The following DGKD variants were observed in gnomAD, a reference collection of about 807,000 sequenced individuals.
The protein encoded by DGKD is diacylglycerol kinase delta, also known as DAG kinase delta.
DGKD carries 68 observed loss-of-function variants against 154.4 expected under a neutral mutation model. The observed-to-expected ratio is 0.44, with a 90% CI of 0.36 to 0.54. The LOEUF (loss-of-function observed/expected upper bound fraction) is 0.54. DGKD is among the 20% of genes least tolerant of loss of function. DGKD has a pLI of 0.00. For missense variants in DGKD, 1,343 were observed against 1,593.6 expected, an observed-to-expected ratio of 0.84 and a Z score of 2.68; for synonymous variants, 693 against 638.0, an observed-to-expected ratio of 1.09 and a Z score of -1.30.
In DGKD at chr2:233,462,273, G is replaced by A. The variant is rs529002383; in HGVS notation, c.2982-75G>A. ...CAGCCCTCCAGGTGGTACCTGGGCC[G>A]TGTTCAGATGCGTATTGTGAAAGGC... On this transcript the variant is annotated intron_variant, in intron 24 of 29. Transcript: ENST00000264057. 2.1e-4 allele frequency: 263 copies of A among 1,223,822 alleles called. No homozygotes were observed. In the African/African-American group the frequency reaches 3.5e-3, roughly 16 times the overall value. 75.8% of individuals were successfully genotyped at this position (1,223,822 alleles called of 1,614,324 possible). A position where few individuals can be genotyped will look rare whatever the true frequency, so the allele number is the denominator to read the frequency against.
At chr2:233,462,784 ACTGCTGTCGCCAGGTTG>A in intron 26 of DGKD, 49 bp downstream of exon 26, 1 of 1,531,110 alleles carries the variant, frequency 6.5e-7, no homozygotes, top group Non-Finnish European at 9.0e-7. Flanking sequence ...GTGTGAAACG[ACTGCTGTCGCCAGGTTG>A]CTGGGCACAC....
chr2:233,457,313 T>A lies in DGKD; in HGVS notation c.2565T>A (p.Gly855=). ...CCGGAGGAACCAACTTCTGGGGGGG[T>A]ACCAAGGAAGATGATGTATGTATGG... ...SYAGGTNFWG[G]TKEDDTFAAP... The change falls in exon 21 of 30, where the codon GGT becomes GGA. Residue 855 remains glycine, a synonymous_variant. Transcript: ENST00000264057. The surrounding 1 kb of genome is among the most constrained non-coding windows in gnomAD (Gnocchi z 5.5). 6.5e-7 allele frequency: 1 copy of A among 1,536,862 alleles called. No individual in the cohort carries two copies. Among genetic ancestry groups the A allele is most frequent in the Non-Finnish European group, 8.8e-7 (1 of 1,140,474 alleles).
chr2:233,389,888 C>T (rs932355627), intron 2 of DGKD, among the ~76,000 whole-genome samples: 7 of 152,260 alleles, frequency 4.6e-5, no homozygotes, highest in African/African-American at 7.2e-5. Context: ...TTTCCTTTCA[C>T]GGCCAGACCC....
At chr2:233,386,003 G>A (rs548240279) in intron 1 of DGKD, 1 of 461,398 alleles carries the variant, frequency 2.2e-6, no homozygotes, top group Non-Finnish European at 4.5e-6. Context: ...GCGTGTGTGT[G>A]CGTGTGTGTA....
chr2:233,447,806 C>G, intron 12 of DGKD: 1 of 1,239,800 alleles, frequency 8.1e-7, no homozygotes, highest in East Asian at 4.5e-5. Flanking sequence ...AGGACGGAAG[C>G]TCCTAGCACA....
chr2:233,381,949 T>C (rs1466379425), intron 1 of DGKD, among the ~76,000 whole-genome samples: 1 of 152,132 alleles, frequency 6.6e-6, no homozygotes, highest in Non-Finnish European at 1.5e-5. Context: ...GATATGCAAA[T>C]TGGGCCAGGT....
At chr2:233,423,795 T>G (rs2062199480) in intron 3 of DGKD, among the ~76,000 whole-genome samples, 1 of 152,120 alleles carries the variant, frequency 6.6e-6, no homozygotes, top group Non-Finnish European at 1.5e-5. Context: ...AGGCTTTTGT[T>G]GGGGCTTTCC....
At position 233,451,023 on chromosome 2, in the gene DGKD, G is replaced by A. The variant is rs2063268338; in HGVS notation, c.2140G>A (p.Ala714Thr). The A allele has an allele frequency of 1.2e-6, 2 of 1,611,930 alleles. No homozygotes were observed. Among genetic ancestry groups the A allele is most frequent in the Non-Finnish European group, 1.7e-6 (2 of 1,178,254 alleles). The stretch of plus-strand genomic sequence containing the variant: ...GCCGGGAAGCCGGGACGGCCTGCCT[G>A]CGCTCAACACCAAGATCCTGTACCC... Reference protein sequence around the residue: ...PQPGSRDGLPALNTKILYPNV... With the variant: ...PQPGSRDGLPTLNTKILYPNV... Residue 714 changes from alanine to threonine, a missense_variant, in exon 17 of 30, where the codon GCG becomes ACG. Around this residue, in one of 6 missense-constraint regions of DGKD, gnomAD observed 409 missense variants for 446.0 expected, o/e 0.92. Transcript: ENST00000264057.
rs375919482 is a variant in DGKD at position 233,435,888 on chromosome 2, C to T, written c.657C>T (p.Ala219=). 73 of 1,611,726 alleles carry T rather than the reference C, an allele frequency of 4.5e-5. No individual in the cohort carries two copies. Among genetic ancestry groups the T allele is most frequent in the Middle Eastern group, 1.6e-4 (1 of 6,064 alleles). Residue 219 remains alanine, a synonymous_variant, in exon 6 of 30, where the codon GCC becomes GCT. Coordinates refer to ENST00000264057, the MANE Select transcript of DGKD (RefSeq NM_152879.3). ...ATNNCKWTTL[A]SIGKDIIEDA... ...ATAACTGCAAGTGGACCACACTGGCCTCGATCGGGAAGGACATCATTGAAG... is the reference window on the plus strand; with the variant it reads ...ATAACTGCAAGTGGACCACACTGGCTTCGATCGGGAAGGACATCATTGAAG...
intron 12 of DGKD, 159 bp from the exon 13 acceptor site, chr2:233,447,928 A>C: frequency 6.8e-7 from 1 of 1,465,100 alleles, no homozygotes; most frequent in South Asian, 1.4e-5. Context: ...TTAGCGTTAG[A>C]AGTGAGTTGA....
chr2:233,424,071 G>A (rs759350579), intron 3 of DGKD, among the ~76,000 whole-genome samples: 12 of 152,106 alleles, frequency 7.9e-5, no homozygotes, highest in Non-Finnish European at 1.5e-4. Context: ...AAGTGAAGAG[G>A]GGGTCCATTC....
chr2:233,428,825 C>A (rs1454919579), intron 3 of DGKD, among the ~76,000 whole-genome samples: 1 of 152,156 alleles, frequency 6.6e-6, no homozygotes, highest in Non-Finnish European at 1.5e-5. Context: ...AGATCTGGGT[C>A]TCTCTCAGGC....
chr2:233,374,635 A>G (rs1288683173), intron 1 of DGKD, among the ~76,000 whole-genome samples: 2 of 147,816 alleles, frequency 1.4e-5, no homozygotes, highest in African/African-American at 5.0e-5. Context: ...GCACCTGACA[A>G]TTTTATTTTT....
chr2:233,467,096 T>G lies in DGKD; in HGVS notation c.3317T>G (p.Leu1106Arg), dbSNP rs1186973117. The change falls in exon 28 of 30, where the codon CTG becomes CGG. Residue 1106 changes from leucine (L) to arginine (R), a missense_variant. Transcript: ENST00000264057. The stretch of plus-strand genomic sequence containing the variant: ...CATTCTCCCCAACAGAGTGTGATGC[T>G]GGATCTTGCCAAGCGCAGTCGCAGT... The part of the protein sequence containing the change: ...AEPGDEESVM[L>R]DLAKRSRSGK... 1 of 1,613,824 alleles carries G rather than the reference T, an allele frequency of 6.2e-7. No individual in the cohort carries two copies. The highest frequency in any genetic ancestry group is 2.2e-5 in the East Asian group (1 of 44,882).
chr2:233,466,922 T>G (rs1375575960), intron 27 of DGKD, among the ~76,000 whole-genome samples, 164 bp from the exon 28 acceptor site: 1 of 152,190 alleles, frequency 6.6e-6, no homozygotes, highest in African/African-American at 2.4e-5. Flanking sequence ...CAACACTAAA[T>G]ACAAGAATCA....
chr2:233,429,874 C>T (rs1034602092), intron 3 of DGKD, among the ~76,000 whole-genome samples: 1 of 152,228 alleles, frequency 6.6e-6, no homozygotes. Flanking sequence ...GAAGAAGAAG[C>T]GAACCATGCA....
At chr2:233,408,044 GTTTT>G (rs1293793281) in intron 3 of DGKD, among the ~76,000 whole-genome samples, 1 of 127,654 alleles carries the variant, frequency 7.8e-6, no homozygotes, top group Middle Eastern at 4.1e-3. Flanking sequence ...AGGAAAAACT[GTTTT>G]TTTTTTTTTT....
intron 3 of DGKD, among the ~76,000 whole-genome samples, chr2:233,396,282 C>G (rs1296802481): frequency 6.6e-6 from 1 of 152,190 alleles, no homozygotes; most frequent in Non-Finnish European, 1.5e-5. Flanking sequence ...TTTGGGCTTT[C>G]CAGCTTTGAA....
At chr2:233,442,919 A>G (rs970873231) in intron 10 of DGKD, among the ~76,000 whole-genome samples, 1 of 152,188 alleles carries the variant, frequency 6.6e-6, no homozygotes, top group African/African-American at 2.4e-5. Flanking sequence ...CTGCTTTTAA[A>G]AAACCACTAA....
Sources: allele counts gnomAD v4.1 joint callset (sites outside exome capture counted in the v4.1 genomes callset), GRCh38; gene constraint gnomAD v4.1.1; regional missense constraint gnomAD v4.1.1; non-coding constraint Gnocchi (gnomAD v3.1); transcripts MANE v1.5; gene names NCBI Gene and HGNC (gene_info 2026-07-23, HGNC 2026-07-21).